The following FAM50B variants were observed in gnomAD, a reference collection of about 807,000 sequenced individuals.
The protein encoded by FAM50B is protein FAM50B.
In FAM50B, 9 loss-of-function variants were observed where a neutral mutation model predicts 25.4. That is an observed-to-expected ratio of 0.35 (90% confidence interval 0.21 to 0.62). The LOEUF (loss-of-function observed/expected upper bound fraction) is 0.62. Among genes scored for constraint, FAM50B ranks in the 20% least tolerant of loss-of-function variants. The pLI is 0.73. For synonymous variants in FAM50B, 212 were observed against 204.3 expected (o/e 1.04, Z -0.32); for missense variants, 372 against 477.9 (o/e 0.78, Z 2.07).
intron 1 of FAM50B, 37 bp from the exon 2 acceptor site, chr6:3,849,752 C>T (rs1046314810): frequency 3.3e-6 from 5 of 1,519,388 alleles, no homozygotes; most frequent in Admixed American, 3.9e-5. Context: ...TTGCGTGGGC[C>T]CCCCTCTACC....
At chr6:3,837,693 G>A in the FAM50B span, among the ~76,000 whole-genome samples, 5 of 152,164 alleles carry the variant, frequency 3.3e-5, no homozygotes, top group Non-Finnish European at 7.3e-5. Context: ...TAAGAGCATG[G>A]CACTGGCATC....
In FAM50B at chr6:3,850,434, C is replaced by A; in HGVS notation, c.623C>A (p.Thr208Lys). 6.2e-7 allele frequency: 1 copy of A among 1,613,418 alleles called. No homozygotes were observed. The highest frequency in any genetic ancestry group is 8.5e-7 in the Non-Finnish European group (1 of 1,179,932). ...ACGGTGCGGGTGCGCAAGGGCAACA[C>A]GGTGCAGCAGTTCCTGAAGAAGGCG... ...RRTVRVRKGN[T>K]VQQFLKKALQ... The change falls in exon 2 of 2, where the codon ACG (threonine) becomes AAG (lysine). Residue 208 changes from threonine to lysine, a missense_variant. Coordinates refer to ENST00000648326, the MANE Select transcript of FAM50B (RefSeq NM_012135.3).
At chr6:3,843,964 ACC>A in the FAM50B span, among the ~76,000 whole-genome samples, 2 of 152,172 alleles carry the variant, frequency 1.3e-5, no homozygotes, top group Non-Finnish European at 2.9e-5. Context: ...GGCCAGGCCC[ACC>A]ATCAGCTGTT....
In FAM50B at chr6:3,850,117, G is replaced by A; in HGVS notation, c.306G>A (p.Glu102=). 3 of 1,609,058 alleles carry A rather than the reference G, an allele frequency of 1.9e-6. No homozygotes were observed. Among genetic ancestry groups the A allele is most frequent in the Non-Finnish European group, 2.5e-6 (3 of 1,178,456 alleles). ...QHLEEQRLQQ[E]RQREQEQRRE... The stretch of plus-strand genomic sequence containing the variant: ...TGGAGGAGCAGCGGCTGCAGCAGGA[G>A]CGGCAGCGGGAGCAGGAGCAGCGGC... The change falls in exon 2 of 2, where the codon GAG becomes GAA. Residue 102 remains glutamate, a synonymous_variant. Transcript: ENST00000648326.
At chr6:3,836,327 A>G in the FAM50B span, among the ~76,000 whole-genome samples, 1 of 152,242 alleles carries the variant, frequency 6.6e-6, no homozygotes, top group African/African-American at 2.4e-5. Flanking sequence ...GCAATATTCA[A>G]TTGCAATCAA....
the FAM50B span, among the ~76,000 whole-genome samples, chr6:3,834,504 T>G: frequency 6.6e-6 from 1 of 151,632 alleles, no homozygotes; most frequent in East Asian, 1.9e-4. Flanking sequence ...TATAAATCAA[T>G]AAGAAAACAA....
At chr6:3,833,903 C>T in the FAM50B span, 1 of 152,154 alleles carries the variant, frequency 6.6e-6, no homozygotes, top group Non-Finnish European at 1.5e-5. Flanking sequence ...GAAAGTCAGG[C>T]TTTCTCTTAT....
upstream of FAM50B, among the ~76,000 whole-genome samples, chr6:3,847,183 A>G (rs544918771): frequency 6.6e-6 from 1 of 152,350 alleles, no homozygotes; most frequent in East Asian, 1.9e-4. Context: ...CCCTAGCAAG[A>G]GAGTCAACCT....
At chr6:3,839,981 T>C in the FAM50B span, among the ~76,000 whole-genome samples, 1 of 117,948 alleles carries the variant, frequency 8.5e-6, no homozygotes, top group African/African-American at 3.4e-5. Context: ...GTTGTTGTTG[T>C]TGTTGTTGTT....
the FAM50B span, among the ~76,000 whole-genome samples, chr6:3,836,337 A>G: frequency 1.3e-5 from 2 of 152,076 alleles, no homozygotes; most frequent in Non-Finnish European, 2.9e-5. Flanking sequence ...ATTGCAATCA[A>G]CTCTTGTAGG....
chr6:3,831,894 A>T, the FAM50B span: 2 of 152,296 alleles, frequency 1.3e-5, no homozygotes, highest in East Asian at 3.9e-4. Flanking sequence ...CTCCACCCTC[A>T]TTGGTTAGTG....
the FAM50B span, among the ~76,000 whole-genome samples, chr6:3,841,547 T>C: frequency 6.6e-6 from 1 of 152,184 alleles, no homozygotes; most frequent in Non-Finnish European, 1.5e-5. Context: ...GTTATAACGT[T>C]GTCAGAGACA....
At chr6:3,844,433 G>A (rs978582337), upstream of FAM50B, among the ~76,000 whole-genome samples, 6 of 151,998 alleles carry the variant, frequency 3.9e-5, no homozygotes, top group African/African-American at 9.7e-5. Flanking sequence ...GAATAATACC[G>A]GGCGAGGTGG....
At chr6:3,832,476 C>T in the FAM50B span, among the ~76,000 whole-genome samples, 2 of 152,266 alleles carry the variant, frequency 1.3e-5, no homozygotes, top group African/African-American at 2.4e-5. Flanking sequence ...CGCAGCAGCA[C>T]GCTGAGAATG....
the FAM50B span, among the ~76,000 whole-genome samples, chr6:3,836,489 G>T: frequency 6.6e-6 from 1 of 152,136 alleles, no homozygotes; most frequent in Admixed American, 6.5e-5. Flanking sequence ...AGTTCTTCCA[G>T]GGAAAACAGT....
the FAM50B span, among the ~76,000 whole-genome samples, chr6:3,835,576 T>C: frequency 6.6e-6 from 1 of 152,182 alleles, no homozygotes; most frequent in Admixed American, 6.5e-5. Flanking sequence ...TTGGAGTCTC[T>C]AGAGAAGAAG....
upstream of FAM50B, chr6:3,849,239 C>A (rs370553526): frequency 6.5e-6 from 1 of 153,020 alleles, no homozygotes; most frequent in Non-Finnish European, 1.5e-5. Context: ...CTACCAGGAG[C>A]CCGGAGCTCT....
chr6:3,839,433 A>G, the FAM50B span, among the ~76,000 whole-genome samples: 1 of 152,112 alleles, frequency 6.6e-6, no homozygotes, highest in Non-Finnish European at 1.5e-5. Context: ...TGGAGGGTCA[A>G]ATATCCAAAC....
chr6:3,850,164 C>T lies in FAM50B; in HGVS notation c.353C>T (p.Ser118Phe), dbSNP rs1762191255. ...CGGCGCGAGCGCAAGCGTAAGATCT[C>T]CTGCCTGTCCTTTGCACTAGACGAC... Reference protein sequence around the residue: ...EQRRERKRKISCLSFALDDLD... With the variant: ...EQRRERKRKIFCLSFALDDLD... Residue 118 changes from serine (S) to phenylalanine (F), a missense_variant, in exon 2 of 2, where the codon TCC (serine) becomes TTC (phenylalanine). Transcript: ENST00000648326. 4.3e-6 allele frequency: 7 copies of T among 1,613,088 alleles called. No homozygotes were observed. The East Asian group carries it at 1.6e-4, about 36-fold the overall frequency.
Sources: gnomAD v4.1 joint callset for allele counts (sites outside exome capture counted in the v4.1 genomes callset) on GRCh38, gnomAD v4.1.1 for gene constraint, MANE v1.5 for transcripts, NCBI Gene and HGNC (gene_info 2026-07-23, HGNC 2026-07-21) for gene names.